The following EPHA6 variants were observed in gnomAD, a reference collection of about 807,000 sequenced individuals.
The protein encoded by EPHA6 is EPH receptor A6, also known as ephrin type-A receptor 6.
In EPHA6, 50 loss-of-function variants were observed where a neutral mutation model predicts 112.0. The observed-to-expected ratio is 0.45, with a 90% CI of 0.36 to 0.56. EPHA6 has a LOEUF of 0.56. Among genes scored for constraint, EPHA6 ranks in the 20% least tolerant of loss-of-function variants. The probability of loss-of-function intolerance (pLI) is 0.00; values close to 1 mark genes in which losing one functional copy is unlikely to be tolerated. For missense variants in EPHA6, 1,280 were observed against 1,417.4 expected, an observed-to-expected ratio of 0.90 and a Z score of 1.56; for synonymous variants, 529 against 490.7, an observed-to-expected ratio of 1.08 and a Z score of -1.03.
intron 2 of EPHA6, among the ~76,000 whole-genome samples, chr3:96,913,410 A>G (rs79163885): frequency 0.012 from 1,818 of 152,188 alleles, 34 homozygotes; most frequent in African/African-American, 0.042. Context: ...AGAGAATGAC[A>G]TAATCCAATC....
intron 3 of EPHA6, among the ~76,000 whole-genome samples, chr3:97,117,017 G>C (rs1053014981): frequency 6.6e-6 from 1 of 151,430 alleles, no homozygotes; most frequent in Non-Finnish European, 1.5e-5. Flanking sequence ...TTTGGTAATA[G>C]CCCTTTTAAC....
intron 5 of EPHA6, among the ~76,000 whole-genome samples, chr3:97,374,833 AC>A (rs749506808): frequency 6.6e-6 from 1 of 152,044 alleles, no homozygotes; most frequent in Non-Finnish European, 1.5e-5. Context: ...CCACATTACT[AC>A]TTTTTTACCA....
intron 2 of EPHA6, among the ~76,000 whole-genome samples, chr3:96,867,538 C>A (rs2036388765): frequency 6.6e-6 from 1 of 151,730 alleles, no homozygotes; most frequent in Non-Finnish European, 1.5e-5. Context: ...CTCATTTTCA[C>A]ACTGAGCTAA....
chr3:97,410,208 C>A (rs1182573691), intron 6 of EPHA6, among the ~76,000 whole-genome samples: 1 of 152,014 alleles, frequency 6.6e-6, no homozygotes, highest in African/African-American at 2.4e-5. Context: ...ATTCTACTTT[C>A]TCAATATAGT....
chr3:96,863,833 T>G (rs2036147646), intron 1 of EPHA6, among the ~76,000 whole-genome samples: 1 of 152,050 alleles, frequency 6.6e-6, no homozygotes, highest in South Asian at 2.1e-4. Context: ...TCAATACGCA[T>G]TAGAGATTTT....
intron 2 of EPHA6, among the ~76,000 whole-genome samples, chr3:96,908,587 C>T (rs903083222): frequency 1.3e-5 from 2 of 151,720 alleles, no homozygotes; most frequent in Admixed American, 6.6e-5. Flanking sequence ...CAGTGGTTTC[C>T]ATTTTATCTT....
chr3:97,119,782 T>C (rs1559740255), intron 3 of EPHA6, among the ~76,000 whole-genome samples: 1 of 152,042 alleles, frequency 6.6e-6, no homozygotes. Flanking sequence ...GTTGTTTACT[T>C]TAATCTGTCA....
chr3:97,242,679 G>A (rs540720765), intron 4 of EPHA6, among the ~76,000 whole-genome samples: 3 of 151,876 alleles, frequency 2.0e-5, no homozygotes, highest in Non-Finnish European at 2.9e-5. Context: ...ATGAATGGCC[G>A]TAGCTTGAAA....
chr3:97,130,744 G>T (rs2048315340), intron 3 of EPHA6, among the ~76,000 whole-genome samples: 1 of 152,064 alleles, frequency 6.6e-6, no homozygotes, highest in African/African-American at 2.4e-5. Context: ...TGAATAATTT[G>T]ATTACATAAA....
chr3:97,541,749 G>C (rs932219157), intron 11 of EPHA6, among the ~76,000 whole-genome samples: 1 of 129,232 alleles, frequency 7.7e-6, no homozygotes. Context: ...TTGTTTGTTT[G>C]TTTTAAAGAA....
At chr3:97,628,449 CTAT>C (rs1385452970) in intron 13 of EPHA6, among the ~76,000 whole-genome samples, 2 of 151,856 alleles carry the variant, frequency 1.3e-5, no homozygotes, top group African/African-American at 4.8e-5. Context: ...ATAAGGTCAT[CTAT>C]TATTATTATA....
chr3:97,684,665 T>C (rs929803044), intron 14 of EPHA6, among the ~76,000 whole-genome samples: 2 of 152,148 alleles, frequency 1.3e-5, no homozygotes, highest in Admixed American at 1.3e-4. Context: ...AAAGCGATTT[T>C]TAAGAAAGGT....
intron 14 of EPHA6, among the ~76,000 whole-genome samples, chr3:97,654,425 T>A (rs1421706422): frequency 1.3e-5 from 2 of 151,920 alleles, no homozygotes; most frequent in Non-Finnish European, 2.9e-5. Flanking sequence ...ATAAGTAAGC[T>A]TTCTTCATAC....
At chr3:97,500,385 A>G (rs1206035347) in intron 10 of EPHA6, among the ~76,000 whole-genome samples, 2 of 152,124 alleles carry the variant, frequency 1.3e-5, no homozygotes, top group East Asian at 3.8e-4. Flanking sequence ...GACTCAGGAA[A>G]TATATAGTAA....
chr3:97,570,220 C>T (rs921882067), intron 11 of EPHA6, among the ~76,000 whole-genome samples: 3 of 151,826 alleles, frequency 2.0e-5, no homozygotes, highest in African/African-American at 7.3e-5. Flanking sequence ...AGCAAGTGGC[C>T]AGGAAAACTT....
intron 14 of EPHA6, among the ~76,000 whole-genome samples, chr3:97,679,006 T>C (rs966548397): frequency 6.6e-6 from 1 of 152,226 alleles, no homozygotes; most frequent in Non-Finnish European, 1.5e-5. Flanking sequence ...TGCTTAGTGT[T>C]ATTTCTGCCA....
At chr3:97,701,220 T>C (rs1413235788) in intron 14 of EPHA6, among the ~76,000 whole-genome samples, 1 of 152,112 alleles carries the variant, frequency 6.6e-6, no homozygotes, top group African/African-American at 2.4e-5. Context: ...CAGAGATTGG[T>C]CTGAAAGAAC....
intron 2 of EPHA6, among the ~76,000 whole-genome samples, chr3:96,936,047 T>C (rs2040565152): frequency 6.6e-6 from 1 of 151,928 alleles, no homozygotes; most frequent in African/African-American, 2.4e-5. Flanking sequence ...GGGGGGAAAA[T>C]TCAAGAAGGC....
intron 5 of EPHA6, among the ~76,000 whole-genome samples, chr3:97,331,904 T>C (rs1377230079): frequency 6.6e-6 from 1 of 152,106 alleles, no homozygotes; most frequent in Admixed American, 6.6e-5. Flanking sequence ...CTAACTCATT[T>C]TATGAGGCCA....
Sources: allele counts gnomAD v4.1 joint callset (sites outside exome capture counted in the v4.1 genomes callset), GRCh38; gene constraint gnomAD v4.1.1; transcripts MANE v1.5; gene names NCBI Gene and HGNC (gene_info 2026-07-23, HGNC 2026-07-21).